Variants in TCHP observed in about 807,000 individuals in gnomAD.
The protein encoded by TCHP is trichoplein keratin filament binding.
TCHP carries 81 observed loss-of-function variants against 88.7 expected under a neutral mutation model. The observed-to-expected ratio is 0.91, with a 90% CI of 0.76 to 1.10. TCHP has a LOEUF of 1.10. Among genes scored for constraint, TCHP ranks in the 50% least tolerant of loss-of-function variants. TCHP has a pLI of 0.00. For synonymous variants in TCHP, 232 were observed against 232.5 expected (o/e 1.00, Z 0.02); for missense variants, 641 against 632.1 (o/e 1.01, Z -0.15).
chr12:109,908,580 C>T lies in TCHP; in HGVS notation c.700-6C>T. The T allele has an allele frequency of 1.3e-6, 2 of 1,591,504 alleles. No homozygotes were observed. The highest frequency in any genetic ancestry group is 1.1e-5 in the South Asian group (1 of 87,002). ...TCAGTCGAGCTTACTCTCATCATCA[C>T]CACAGGCGACCAAACTAAAGAAGGA... is the stretch of plus-strand genomic sequence containing the variant. On this transcript the variant is annotated splice_polypyrimidine_tract_variant and splice_region_variant and intron_variant, in intron 6 of 12. Coordinates refer to ENST00000405876, the MANE Select transcript of TCHP (RefSeq NM_001143852.2).
At chr12:109,914,253 T>C (rs1870666834) in intron 10 of TCHP, 189 bp from the exon 11 acceptor site, 1 of 510,820 alleles carries the variant, frequency 2.0e-6, no homozygotes, top group Non-Finnish European at 3.5e-6. Flanking sequence ...AAACATTTCT[T>C]GTATACTGGC....
At chr12:109,906,466 G>A (rs1870128648) in intron 4 of TCHP, 106 bp from the exon 5 acceptor site, 13 of 1,036,238 alleles carry the variant, frequency 1.3e-5, no homozygotes, top group Non-Finnish European at 1.9e-5. Context: ...ATGAAGCGAA[G>A]TCATGGCCAC....
upstream of TCHP, among the ~76,000 whole-genome samples, chr12:109,899,381 T>C (rs1869657087): frequency 6.6e-6 from 1 of 152,212 alleles, no homozygotes; most frequent in Admixed American, 6.5e-5. Context: ...GGCTCACTCC[T>C]GTAATCCTAG....
chr12:109,908,434 GAGTA>G (rs900176620), intron 6 of TCHP, 148 bp from the exon 7 acceptor site: 18 of 645,866 alleles, frequency 2.8e-5, no homozygotes, highest in Middle Eastern at 2.7e-4. Flanking sequence ...GGGATTGGAT[GAGTA>G]AGTGAGTGGT....
At chr12:109,882,591 G>A in the TCHP span, among the ~76,000 whole-genome samples, 1 of 151,712 alleles carries the variant, frequency 6.6e-6, no homozygotes, top group Non-Finnish European at 1.5e-5. Context: ...TGAGGTCAGG[G>A]AGGTGGGCAG....
In TCHP at chr12:109,917,899, T is replaced by G. The variant is rs76133847; in HGVS notation, c.*1276T>G. 2,441 of 152,460 alleles carry G rather than the reference T, an allele frequency of 0.016. 34 individuals are homozygous for G. Among genetic ancestry groups the G allele is most frequent in the Non-Finnish European group, 0.026 (1,749 of 68,024 alleles). The allele number at this position is 152,460 out of a possible 1,614,324, so 9.4% of individuals were successfully genotyped here. A position where few individuals can be genotyped will look rare whatever the true frequency, so the allele number is the denominator to read the frequency against. On this transcript the variant is annotated 3_prime_UTR_variant, in exon 13 of 13. Transcript: ENST00000405876. ...GGGCTGTCTTACCTTTCACTTCCACTGTCCTGTAGAAACAGATCAAGCTGC... is the reference window on the plus strand; with the variant it reads ...GGGCTGTCTTACCTTTCACTTCCACGGTCCTGTAGAAACAGATCAAGCTGC...
chr12:109,907,098 A>G (rs1565910055), intron 5 of TCHP, among the ~76,000 whole-genome samples: 1 of 152,194 alleles, frequency 6.6e-6, no homozygotes, highest in East Asian at 1.9e-4. Context: ...TCTGTTGCTC[A>G]GGCTGGTCTG....
rs565167354 is a variant in TCHP at position 109,916,734 on chromosome 12, A to T, written c.*111A>T. On this transcript the variant is annotated 3_prime_UTR_variant, in exon 13 of 13. Coordinates refer to ENST00000405876, the MANE Select transcript of TCHP (RefSeq NM_001143852.2). ...CAGTAAGTGCCCGGGGCACTGTCAG[A>T]TGGCTCAGCAGTGCCTGCTCAGGTT... 1.3e-4 allele frequency: 132 copies of T among 1,008,892 alleles called. 1 individual carries two copies. The Middle Eastern group carries it at 1.7e-3, about 13-fold the overall frequency. 62.5% of individuals were successfully genotyped at this position (1,008,892 alleles called of 1,614,324 possible). A position where few individuals can be genotyped will look rare whatever the true frequency, so the allele number is the denominator to read the frequency against.
At chr12:109,904,442 CAGTG>C (rs1189832104) in intron 3 of TCHP, among the ~76,000 whole-genome samples, 6 of 152,296 alleles carry the variant, frequency 3.9e-5, no homozygotes, top group Admixed American at 2.0e-4. Flanking sequence ...TTATGTGAAA[CAGTG>C]AGCCCTAATC....
the TCHP span, among the ~76,000 whole-genome samples, chr12:109,892,494 C>G: frequency 3.3e-5 from 5 of 152,114 alleles, no homozygotes; most frequent in East Asian, 9.7e-4. Context: ...AAATGGGGAG[C>G]CATGGAAGGT....
At chr12:109,895,205 C>CTT in the TCHP span, among the ~76,000 whole-genome samples, 105 of 130,206 alleles carry the variant, frequency 8.1e-4, 1 homozygote, top group Non-Finnish European at 1.3e-3. Context: ...TCAAGAATTA[C>CTT]TTTTTTTTTT....
chr12:109,894,233 C>A, the TCHP span, among the ~76,000 whole-genome samples: 2 of 149,398 alleles, frequency 1.3e-5, no homozygotes. Context: ...CCGAGGCGGG[C>A]GGATCACGAG....
At chr12:109,906,544 A>G (rs754474304) in intron 4 of TCHP, 28 bp from the exon 5 acceptor site, 20 of 1,611,146 alleles carry the variant, frequency 1.2e-5, no homozygotes, top group Non-Finnish European at 1.6e-5. Context: ...TGGTGAGGAA[A>G]TTCACATCGT....
intron 12 of TCHP, 58 bp from the exon 13 acceptor site, chr12:109,916,533 T>A: frequency 6.5e-7 from 1 of 1,528,124 alleles, no homozygotes; most frequent in East Asian, 2.3e-5. Context: ...CAAGGTTAAT[T>A]CCTCATGCTG....
the TCHP span, among the ~76,000 whole-genome samples, chr12:109,894,571 G>C: frequency 6.6e-6 from 1 of 151,864 alleles, no homozygotes. Context: ...TTCAATACCA[G>C]CCTGACCAAC....
the TCHP span, among the ~76,000 whole-genome samples, chr12:109,890,442 G>A: frequency 4.6e-5 from 7 of 152,086 alleles, no homozygotes; most frequent in Admixed American, 1.3e-4. Context: ...CTGCACTGCA[G>A]CCTGGGTGAG....
At chr12:109,914,746 T>C (rs1870704259) in intron 11 of TCHP, 119 bp downstream of exon 11, 1 of 771,266 alleles carries the variant, frequency 1.3e-6, no homozygotes, top group Non-Finnish European at 2.1e-6. Flanking sequence ...GAGAGCACGG[T>C]GCTCCCGTTT....
At chr12:109,913,434 G>A (rs1412037950) in intron 10 of TCHP, among the ~76,000 whole-genome samples, 1 of 152,176 alleles carries the variant, frequency 6.6e-6, no homozygotes, top group East Asian at 1.9e-4. Context: ...CATGTCAGGG[G>A]CTGTATCACG....
chr12:109,903,807 C>A lies in TCHP; in HGVS notation c.189-130C>A. On this transcript the variant is annotated intron_variant, in intron 2 of 12. Transcript: ENST00000405876. This position sits in a 1 kb window ranked among gnomAD's most constrained non-coding sequence, Gnocchi z 4.6. The stretch of plus-strand genomic sequence containing the variant: ...ACTATTCTGTGACCTGCTGTCTCTG[C>A]TTTGGCTGGGGACACATTCCTGTGT... 4.1e-6 allele frequency: 3 copies of A among 731,912 alleles called. No homozygotes were observed. The highest frequency in any genetic ancestry group is 4.7e-6 in the Non-Finnish European group (2 of 428,214). 45.3% of individuals were successfully genotyped at this position (731,912 alleles called of 1,614,324 possible).
Sources: allele counts gnomAD v4.1 joint callset (sites outside exome capture counted in the v4.1 genomes callset), GRCh38; gene constraint gnomAD v4.1.1; non-coding constraint Gnocchi (gnomAD v3.1); transcripts MANE v1.5; gene names NCBI Gene and HGNC (gene_info 2026-07-23, HGNC 2026-07-21).